Variants in PHTF2 observed in about 807,000 individuals in gnomAD.
PHTF2 encodes the protein protein PHTF2.
PHTF2 carries 60 observed loss-of-function variants against 101.2 expected under a neutral mutation model. The observed-to-expected ratio is 0.59, with a 90% CI of 0.48 to 0.73. The LOEUF is 0.73. Among genes scored for constraint, PHTF2 ranks in the 30% least tolerant of loss-of-function variants. The probability of loss-of-function intolerance (pLI) is 0.00; values close to 1 mark genes in which losing one functional copy is unlikely to be tolerated. For synonymous variants in PHTF2, 311 were observed against 307.3 expected (o/e 1.01, Z -0.13); for missense variants, 747 against 908.7 (o/e 0.82, Z 2.29).
chr7:77,948,458 A>G (rs949759495), intron 16 of PHTF2, among the ~76,000 whole-genome samples: 2 of 152,196 alleles, frequency 1.3e-5, no homozygotes, highest in Non-Finnish European at 2.9e-5. Context: ...TAATATGATC[A>G]CAAATGAAAA....
intron 3 of PHTF2, among the ~76,000 whole-genome samples, chr7:77,861,020 A>C (rs1343991867): frequency 1.3e-5 from 2 of 152,142 alleles, no homozygotes; most frequent in East Asian, 3.9e-4. Context: ...GTTCTCTTAA[A>C]TTGGACATTT....
At chr7:77,890,519 T>G (rs1800292946) in intron 3 of PHTF2, among the ~76,000 whole-genome samples, 2 of 151,990 alleles carry the variant, frequency 1.3e-5, no homozygotes, top group African/African-American at 4.8e-5. Flanking sequence ...AAATAGTTAT[T>G]AAAACATATT....
At chr7:77,819,004 A>G (rs1186933068) in intron 1 of PHTF2, among the ~76,000 whole-genome samples, 1 of 152,138 alleles carries the variant, frequency 6.6e-6, no homozygotes, top group Non-Finnish European at 1.5e-5. Context: ...TTGCTGTAGT[A>G]AATAAGATTG....
chr7:77,811,020 C>T (rs1035378352), intron 1 of PHTF2, among the ~76,000 whole-genome samples: 1 of 152,236 alleles, frequency 6.6e-6, no homozygotes, highest in Non-Finnish European at 1.5e-5. Context: ...TCTCCTGCCT[C>T]AGCCTCCCAA....
intron 16 of PHTF2, among the ~76,000 whole-genome samples, chr7:77,945,396 G>T (rs1259360215): frequency 6.6e-6 from 1 of 151,996 alleles, no homozygotes; most frequent in African/African-American, 2.4e-5. Flanking sequence ...GAGAAATAAT[G>T]GCTAAGAATT....
intron 5 of PHTF2, among the ~76,000 whole-genome samples, chr7:77,897,801 C>G (rs1349942969): frequency 6.6e-6 from 1 of 152,212 alleles, no homozygotes; most frequent in South Asian, 2.1e-4. Flanking sequence ...CTGCCTCAGC[C>G]TCCCAAGTAG....
intron 9 of PHTF2, among the ~76,000 whole-genome samples, chr7:77,910,832 G>C (rs1802322834): frequency 6.6e-6 from 1 of 152,016 alleles, no homozygotes; most frequent in African/African-American, 2.4e-5. Flanking sequence ...TAGTAGAGAT[G>C]GGGTTTTACC....
chr7:77,927,199 T>TACACAC (rs375873189), intron 11 of PHTF2, among the ~76,000 whole-genome samples: 99 of 108,528 alleles, frequency 9.1e-4, no homozygotes, highest in East Asian at 3.4e-3. Context: ...TATATATACA[T>TACACAC]ACACACACAC....
At chr7:77,948,097 C>T (rs1172412358) in intron 16 of PHTF2, among the ~76,000 whole-genome samples, 4 of 152,008 alleles carry the variant, frequency 2.6e-5, no homozygotes, top group African/African-American at 9.7e-5. Flanking sequence ...GCCTTGGCCT[C>T]CCAAATTGCT....
intron 11 of PHTF2, among the ~76,000 whole-genome samples, chr7:77,928,533 C>A (rs1804273411): frequency 6.6e-6 from 1 of 152,060 alleles, no homozygotes; most frequent in Non-Finnish European, 1.5e-5. Flanking sequence ...TCCTGGGTAT[C>A]CACGTGAGAT....
At chr7:77,882,778 C>G (rs1358322020) in intron 3 of PHTF2, among the ~76,000 whole-genome samples, 2 of 152,036 alleles carry the variant, frequency 1.3e-5, no homozygotes, top group Non-Finnish European at 2.9e-5. Context: ...GAAAGAGTTG[C>G]TAGCTTTGGA....
chr7:77,799,486 G>GC (rs1792356291), intron 1 of PHTF2, among the ~76,000 whole-genome samples: 1 of 152,192 alleles, frequency 6.6e-6, no homozygotes, highest in African/African-American at 2.4e-5. Flanking sequence ...TCGCTGCCCT[G>GC]CCCCCTCTGA....
intron 19 of PHTF2, among the ~76,000 whole-genome samples, chr7:77,954,649 C>A (rs554792241): frequency 6.3e-5 from 6 of 94,840 alleles, no homozygotes; most frequent in African/African-American, 2.3e-4. Flanking sequence ...TATATATAGC[C>A]ACTTCTCAAG....
intron 3 of PHTF2, chr7:77,854,884 C>T: frequency 1.4e-6 from 1 of 714,974 alleles, no homozygotes; most frequent in Non-Finnish European, 2.6e-6. Context: ...AGGCTTTGCT[C>T]TGGCCCATGC....
At chr7:77,873,499 G>A (rs1798691592) in intron 3 of PHTF2, among the ~76,000 whole-genome samples, 1 of 152,144 alleles carries the variant, frequency 6.6e-6, no homozygotes. Context: ...TCTAGTTATA[G>A]TTCTAGAAGC....
chr7:77,862,743 C>T lies in PHTF2; in HGVS notation c.147+7909C>T, dbSNP rs899476431. Among the ~76,000 whole-genome samples, 12 of 152,170 alleles carry T rather than the reference C, an allele frequency of 7.9e-5. No homozygotes were observed. In the East Asian group the frequency reaches 2.1e-3, roughly 27 times the overall value. ...TGTTCATCAATGATATAATATTTGC[C>T]GGTTATATTCCAAGTGTCTTGCAGT... On this transcript the variant is annotated intron_variant, in intron 3 of 19. Transcript: ENST00000416283.
chr7:77,813,919 G>A (rs181526640), intron 1 of PHTF2, among the ~76,000 whole-genome samples: 84 of 152,298 alleles, frequency 5.5e-4, no homozygotes, highest in African/African-American at 1.9e-3. Flanking sequence ...ATCTGGACAT[G>A]TTGATAATGA....
intron 1 of PHTF2, among the ~76,000 whole-genome samples, chr7:77,837,283 A>T (rs1409676771): frequency 6.6e-6 from 1 of 152,222 alleles, no homozygotes; most frequent in East Asian, 1.9e-4. Context: ...ATGACAATAC[A>T]GTCTATGAAC....
intron 3 of PHTF2, among the ~76,000 whole-genome samples, chr7:77,890,430 T>G (rs919552211): frequency 6.6e-6 from 1 of 152,182 alleles, no homozygotes; most frequent in African/African-American, 2.4e-5. Context: ...ATTCACTTTC[T>G]TGAGTCGCCT....
Sources: gnomAD v4.1 joint callset for allele counts (sites outside exome capture counted in the v4.1 genomes callset) on GRCh38, gnomAD v4.1.1 for gene constraint, MANE v1.5 for transcripts, NCBI Gene and HGNC (gene_info 2026-07-23, HGNC 2026-07-21) for gene names.